Variants in NTNG1 observed in about 807,000 individuals in gnomAD.
The protein encoded by NTNG1 is netrin-G1.
NTNG1 carries 16 observed loss-of-function variants against 54.0 expected under a neutral mutation model. That is an observed-to-expected ratio of 0.30 (90% confidence interval 0.20 to 0.45). The LOEUF (loss-of-function observed/expected upper bound fraction) is 0.45, where lower values mean the gene tolerates loss of function less well. Ranked by LOEUF, NTNG1 falls within the 20% of genes least tolerant of loss-of-function variation. The pLI, the probability that NTNG1 is intolerant of heterozygous loss-of-function variation, is 1.00. For missense variants in NTNG1, 530 were observed against 678.7 expected (o/e 0.78, Z 2.43); for synonymous variants, 255 against 263.1 (o/e 0.97, Z 0.30).
intron 3 of NTNG1, among the ~76,000 whole-genome samples, chr1:107,380,111 G>C (rs1245088517): frequency 6.6e-6 from 1 of 152,206 alleles, no homozygotes; most frequent in African/African-American, 2.4e-5. Context: ...GTGACCTTCA[G>C]GGGAGGCCAC....
intron 3 of NTNG1, among the ~76,000 whole-genome samples, chr1:107,354,505 C>A (rs1351073740): frequency 1.3e-5 from 2 of 151,478 alleles, no homozygotes; most frequent in East Asian, 3.9e-4. Context: ...ATTAAATCAC[C>A]CCAAGTATTA....
chr1:107,212,407 C>A (rs1184298890), intron 2 of NTNG1, among the ~76,000 whole-genome samples: 2 of 152,022 alleles, frequency 1.3e-5, no homozygotes, highest in African/African-American at 2.4e-5. Context: ...TGAAATGACT[C>A]CCGGAAAGAT....
At chr1:107,174,243 C>T (rs578163306) in intron 2 of NTNG1, among the ~76,000 whole-genome samples, 1 of 151,826 alleles carries the variant, frequency 6.6e-6, no homozygotes, top group South Asian at 2.1e-4. Context: ...ATCTATTGCC[C>T]CCAATTTAAA....
chr1:107,352,021 A>AGGG (rs1669646440), intron 3 of NTNG1, among the ~76,000 whole-genome samples: 1 of 152,226 alleles, frequency 6.6e-6, no homozygotes, highest in African/African-American at 2.4e-5. Flanking sequence ...TCCAGGGCAC[A>AGGG]GTGGTGCAAG....
At chr1:107,185,549 T>C (rs901308720) in intron 2 of NTNG1, among the ~76,000 whole-genome samples, 1 of 152,180 alleles carries the variant, frequency 6.6e-6, no homozygotes, top group Non-Finnish European at 1.5e-5. Context: ...CCTAATTGCA[T>C]TTGCAAAAAC....
chr1:107,483,550 G>A lies in NTNG1; in HGVS notation c.*2710G>A, dbSNP rs959332125. 13 of 152,304 alleles carry A rather than the reference G, an allele frequency of 8.5e-5. No individual in the cohort carries two copies. The highest frequency in any genetic ancestry group is 2.6e-4 in the African/African-American group (11 of 41,554). 9.4% of individuals were successfully genotyped at this position (152,304 alleles called of 1,614,324 possible). ...TCCTCTGAGGAAACCTCAACTCAGT[G>A]GACTTGATTCATCTGTTACTTTCCA... On this transcript the variant is annotated 3_prime_UTR_variant, in exon 8 of 8. Coordinates refer to ENST00000370068, the MANE Select transcript of NTNG1 (RefSeq NM_001113226.3).
intron 2 of NTNG1, among the ~76,000 whole-genome samples, chr1:107,280,289 G>T (rs115910735): frequency 0.022 from 3,285 of 146,874 alleles, 121 homozygotes; most frequent in African/African-American, 0.078. Flanking sequence ...TGTGTTCTCT[G>T]CTCTCTTCTT....
chr1:107,359,414 C>T (rs1670131666), intron 3 of NTNG1, among the ~76,000 whole-genome samples: 1 of 152,026 alleles, frequency 6.6e-6, no homozygotes, highest in Non-Finnish European at 1.5e-5. Flanking sequence ...CAGAGAATGG[C>T]TTAAGAGAAG....
intron 2 of NTNG1, among the ~76,000 whole-genome samples, chr1:107,228,543 A>C (rs993308403): frequency 1.3e-5 from 2 of 152,218 alleles, no homozygotes; most frequent in African/African-American, 4.8e-5. Flanking sequence ...AAGTAGCTGA[A>C]AAACAACTGC....
chr1:107,304,051 T>C (rs1042005522), intron 2 of NTNG1, among the ~76,000 whole-genome samples: 3 of 152,042 alleles, frequency 2.0e-5, no homozygotes, highest in Non-Finnish European at 4.4e-5. Flanking sequence ...CAGAATTCTC[T>C]AGTAAAATGA....
intron 2 of NTNG1, among the ~76,000 whole-genome samples, chr1:107,232,557 C>T (rs1280935422): frequency 2.6e-5 from 4 of 152,106 alleles, no homozygotes; most frequent in Non-Finnish European, 5.9e-5. Flanking sequence ...GAAGTGGTCT[C>T]ATAAATTTTG....
intron 2 of NTNG1, among the ~76,000 whole-genome samples, chr1:107,251,270 C>T (rs895003725): frequency 3.3e-5 from 5 of 152,156 alleles, no homozygotes. Context: ...TAGAATCTTT[C>T]CTTGATGAGT....
At chr1:107,438,694 G>A (rs1444038) in intron 7 of NTNG1, among the ~76,000 whole-genome samples, 26,195 of 152,094 alleles carry the variant, frequency 0.17, 2,307 homozygotes, top group Middle Eastern at 0.24. Context: ...TGTACTCAGG[G>A]TAAGACTTGG....
rs115511699 is a variant in NTNG1 at position 107,223,412 on chromosome 1, C to T, written c.246+74573C>T. 3.9e-3 allele frequency among the ~76,000 whole-genome samples: 599 copies of T among 151,964 alleles called. 2 individuals are homozygous for T. The highest frequency in any genetic ancestry group is 0.014 in the African/African-American group (568 of 41,454). On this transcript the variant is annotated intron_variant, in intron 2 of 7. Coordinates refer to ENST00000370068, the MANE Select transcript of NTNG1 (RefSeq NM_001113226.3). ...GGTTAGTGAGTTTGACATGCAGAAG[C>T]CACAGATGAGAAAATTGTGTTCTTG...
intron 2 of NTNG1, among the ~76,000 whole-genome samples, chr1:107,232,780 C>T (rs574047480): frequency 3.9e-5 from 6 of 152,200 alleles, no homozygotes; most frequent in African/African-American, 1.4e-4. Context: ...TGTCCAATCT[C>T]ATGTTTTGTA....
intron 3 of NTNG1, among the ~76,000 whole-genome samples, chr1:107,381,942 C>T (rs918239408): frequency 2.6e-5 from 4 of 152,154 alleles, no homozygotes; most frequent in African/African-American, 9.7e-5. Flanking sequence ...ATTAAAAGGA[C>T]TTGTCTCTCC....
At position 107,378,024 on chromosome 1, in the gene NTNG1, C is replaced by T. The variant is rs372093094; in HGVS notation, c.888-17130C>T. On this transcript the variant is annotated intron_variant, in intron 3 of 7. Coordinates refer to ENST00000370068, the MANE Select transcript of NTNG1 (RefSeq NM_001113226.3). Reference sequence around the variant, plus strand: ...TGATGTTGCTGGCAGAACTGCCAATCGGTTTCATTAACACTAAAGTACATT... The same window carrying T: ...TGATGTTGCTGGCAGAACTGCCAATTGGTTTCATTAACACTAAAGTACATT... 3.3e-4 allele frequency among the ~76,000 whole-genome samples: 50 copies of T among 152,330 alleles called. 1 individual carries two copies. The East Asian group carries it at 9.1e-3, about 28-fold the overall frequency.
intron 2 of NTNG1, among the ~76,000 whole-genome samples, chr1:107,235,206 G>A (rs185080103): frequency 2.3e-4 from 35 of 152,182 alleles, no homozygotes; most frequent in Admixed American, 1.7e-3. Context: ...GTTCTGACAC[G>A]GAAAGAGCTT....
rs563798210 is a variant in NTNG1 at position 107,355,342 on chromosome 1, T to G, written c.887+30420T>G. ...TGATTCTCACATAAGGCAGTAGTTT[T>G]CTGCTAGCTTTGTGAGTTTTTTTAA... On this transcript the variant is annotated intron_variant, in intron 3 of 7. Transcript: ENST00000370068. Among the ~76,000 whole-genome samples, 4 of 152,170 alleles carry G rather than the reference T, an allele frequency of 2.6e-5. No homozygotes were observed. The East Asian group carries it at 7.8e-4, about 30-fold the overall frequency.
Sources: gnomAD v4.1 joint callset for allele counts (sites outside exome capture counted in the v4.1 genomes callset) on GRCh38, gnomAD v4.1.1 for gene constraint, MANE v1.5 for transcripts, NCBI Gene and HGNC (gene_info 2026-07-23, HGNC 2026-07-21) for gene names.